The following MAGI3 variants were observed in gnomAD, a reference collection of about 807,000 sequenced individuals.
MAGI3 encodes the protein membrane associated guanylate kinase, WW and PDZ domain containing 3.
MAGI3 carries 43 observed loss-of-function variants against 121.8 expected under a neutral mutation model. That is an observed-to-expected ratio of 0.35 (90% CI 0.28 to 0.46). The LOEUF (loss-of-function observed/expected upper bound fraction) is 0.46, where lower values mean the gene tolerates loss of function less well. Ranked by LOEUF, MAGI3 falls within the 20% of genes least tolerant of loss-of-function variation. The pLI, the probability that MAGI3 is intolerant of heterozygous loss-of-function variation, is 1.00. For synonymous variants in MAGI3, 553 were observed against 639.3 expected (o/e 0.86, Z 2.04); for missense variants, 1,547 against 1,797.3 (o/e 0.86, Z 2.52).
chr1:113,425,886 G>C (rs974230630), intron 1 of MAGI3, among the ~76,000 whole-genome samples: 1 of 151,824 alleles, frequency 6.6e-6, no homozygotes, highest in Non-Finnish European at 1.5e-5. Flanking sequence ...TTGTTTAATT[G>C]ATTTTTTATT....
chr1:113,416,370 TTAATATATTAA>T (rs1416821110), intron 1 of MAGI3, among the ~76,000 whole-genome samples: 1 of 113,246 alleles, frequency 8.8e-6, no homozygotes, highest in Non-Finnish European at 1.8e-5. Context: ...TTATATTATA[TTAATATATTAA>T]TAATATATAT....
intron 1 of MAGI3, among the ~76,000 whole-genome samples, chr1:113,485,412 A>T (rs1297750304): frequency 6.6e-6 from 1 of 152,110 alleles, no homozygotes; most frequent in Non-Finnish European, 1.5e-5. Flanking sequence ...ATGCTTAGTG[A>T]TGTTGAACAT....
intron 9 of MAGI3, among the ~76,000 whole-genome samples, chr1:113,624,643 T>C (rs1283079009): frequency 2.6e-5 from 4 of 152,220 alleles, no homozygotes; most frequent in African/African-American, 7.2e-5. Context: ...GCAAAGATTT[T>C]CTCCCATTCT....
intron 9 of MAGI3, among the ~76,000 whole-genome samples, chr1:113,631,337 T>G (rs1166857450): frequency 1.3e-5 from 2 of 152,136 alleles, no homozygotes; most frequent in African/African-American, 4.8e-5. Flanking sequence ...TAGTTAGTTG[T>G]TAAAATTTGG....
At chr1:113,661,872 G>GT (rs1251861674) in intron 16 of MAGI3, among the ~76,000 whole-genome samples, 3 of 151,730 alleles carry the variant, frequency 2.0e-5, no homozygotes, top group African/African-American at 4.8e-5. Context: ...TATGCTCTAG[G>GT]TTTTTTTTAA....
intron 1 of MAGI3, among the ~76,000 whole-genome samples, chr1:113,509,401 T>C (rs969186019): frequency 4.7e-5 from 7 of 149,950 alleles, no homozygotes; most frequent in African/African-American, 1.7e-4. Context: ...GTTGAATTTA[T>C]TTGCTTGATC....
In MAGI3 at chr1:113,486,651, C is replaced by CTTTT. The variant is rs767164528; in HGVS notation, c.317-62849_317-62846dup. On this transcript the variant is annotated intron_variant, in intron 1 of 20. Coordinates refer to ENST00000307546, the MANE Select transcript of MAGI3 (RefSeq NM_001142782.2). ...GACAAAAATAGGGGGTCTTCAAAGT[C>CTTTT]TTTTTTTTTTTTTTTTTTGAGACAG... 5.8e-3 allele frequency among the ~76,000 whole-genome samples: 715 copies of CTTTT among 124,004 alleles called. 10 individuals carry two copies. The highest frequency in any genetic ancestry group is 9.4e-3 in the Non-Finnish European group (554 of 58,942). 81.4% of individuals were successfully genotyped at this position (124,004 alleles called of 152,430 possible).
chr1:113,527,396 A>C (rs1658501411), intron 1 of MAGI3, among the ~76,000 whole-genome samples: 1 of 152,244 alleles, frequency 6.6e-6, no homozygotes, highest in Non-Finnish European at 1.5e-5. Context: ...AATATAGGTG[A>C]TAATTAAGCT....
chr1:113,536,718 A>G (rs1659023785), intron 1 of MAGI3, among the ~76,000 whole-genome samples: 1 of 151,508 alleles, frequency 6.6e-6, no homozygotes, highest in Non-Finnish European at 1.5e-5. Context: ...GTACTTTGTG[A>G]TTTTTCAGAA....
At chr1:113,512,976 C>A (rs1657694533) in intron 1 of MAGI3, among the ~76,000 whole-genome samples, 1 of 152,092 alleles carries the variant, frequency 6.6e-6, no homozygotes, top group African/African-American at 2.4e-5. Context: ...TTCTTATACA[C>A]CAATAACAGA....
chr1:113,592,835 ACT>A (rs983988568), intron 5 of MAGI3, among the ~76,000 whole-genome samples: 5 of 151,488 alleles, frequency 3.3e-5, no homozygotes, highest in African/African-American at 1.2e-4. Context: ...ACATGGTGAA[ACT>A]CTGTCTCTAC....
At chr1:113,633,532 A>C (rs1651800930) in intron 9 of MAGI3, among the ~76,000 whole-genome samples, 1 of 151,964 alleles carries the variant, frequency 6.6e-6, no homozygotes, top group Admixed American at 6.6e-5. Flanking sequence ...AAGTGCTGGG[A>C]TTACAGGCGT....
At chr1:113,477,290 G>C (rs188454307) in intron 1 of MAGI3, among the ~76,000 whole-genome samples, 6 of 152,102 alleles carry the variant, frequency 3.9e-5, no homozygotes, top group African/African-American at 1.4e-4. Context: ...TGGTTTTTTT[G>C]CCTGTTAATT....
At chr1:113,630,120 C>G (rs569419676) in intron 9 of MAGI3, among the ~76,000 whole-genome samples, 30 of 152,210 alleles carry the variant, frequency 2.0e-4, no homozygotes, top group African/African-American at 6.7e-4. Context: ...AGAAATTTAC[C>G]TGGTATTCTA....
intron 1 of MAGI3, among the ~76,000 whole-genome samples, chr1:113,395,087 GTTTTTTTTTTTTTT>G (rs139532433): frequency 3.0e-5 from 1 of 33,238 alleles, no homozygotes; most frequent in Middle Eastern, 0.038. Flanking sequence ...CTTTTTGTTA[GTTTTTTTTTTTTTT>G]TTTTTTTTTT....
At chr1:113,427,949 A>G (rs1009156744) in intron 1 of MAGI3, among the ~76,000 whole-genome samples, 1 of 152,174 alleles carries the variant, frequency 6.6e-6, no homozygotes, top group Non-Finnish European at 1.5e-5. Context: ...TAAGTGGAAC[A>G]TATTAACAGG....
intron 1 of MAGI3, among the ~76,000 whole-genome samples, chr1:113,488,724 GCC>G (rs1021834100): frequency 1.5e-4 from 23 of 152,322 alleles, no homozygotes; most frequent in African/African-American, 5.3e-4. Context: ...TGCAGGCAGA[GCC>G]TTGGCAGACA....
intron 11 of MAGI3, 143 bp downstream of exon 11, chr1:113,643,917 A>G (rs1652690346): frequency 1.1e-6 from 1 of 883,026 alleles, no homozygotes; most frequent in South Asian, 1.6e-5. Context: ...TGTATTTATT[A>G]GAAACTAGGG....
intron 1 of MAGI3, among the ~76,000 whole-genome samples, chr1:113,475,316 A>C (rs1655758990): frequency 2.0e-5 from 3 of 152,302 alleles, no homozygotes; most frequent in Non-Finnish European, 4.4e-5. Flanking sequence ...GTCTTGTGCC[A>C]GTTTTCAAAG....
Sources: allele counts gnomAD v4.1 joint callset (sites outside exome capture counted in the v4.1 genomes callset), GRCh38; gene constraint gnomAD v4.1.1; transcripts MANE v1.5; gene names NCBI Gene and HGNC (gene_info 2026-07-23, HGNC 2026-07-21).